Variants in SHLD1 observed in about 807,000 individuals in gnomAD.
The protein encoded by SHLD1 is shieldin complex subunit 1, also known as RINN1-REV7-interacting novel NHEJ regulator 3.
In SHLD1, 3 loss-of-function variants were observed where a neutral mutation model predicts 5.5. The observed-to-expected ratio is 0.54, with a 90% CI of 0.25 to 1.40. The LOEUF (loss-of-function observed/expected upper bound fraction) is 1.40, where lower values mean the gene tolerates loss of function less well. SHLD1 is among the 40% of genes most tolerant of loss of function. The pLI is 0.15. For synonymous variants in SHLD1, 92 were observed against 94.3 expected (o/e 0.98, Z 0.14); for missense variants, 210 against 244.4 (o/e 0.86, Z 0.94).
chr20:5,841,104 C>T (rs1250975026), intron 2 of SHLD1, among the ~76,000 whole-genome samples: 3 of 151,684 alleles, frequency 2.0e-5, no homozygotes, highest in African/African-American at 4.9e-5. Flanking sequence ...CCAATTAGAA[C>T]CATCTAGGAA....
At chr20:5,838,745 T>C (rs1395253078) in intron 2 of SHLD1, among the ~76,000 whole-genome samples, 1 of 152,048 alleles carries the variant, frequency 6.6e-6, no homozygotes, top group Non-Finnish European at 1.5e-5. Context: ...GCCACTGCAC[T>C]CCAGCCTGGG....
chr20:5,767,122 A>ATTTTCTTTTC (rs60269759), intron 1 of SHLD1, among the ~76,000 whole-genome samples: 2,961 of 149,314 alleles, frequency 0.02, 33 homozygotes, highest in South Asian at 0.037. Context: ...CTCCATTCAC[A>ATTTTCTTTTC]TTTTCTTTTC....
rs182735168 is a variant in SHLD1, at chr20:5,806,506, A to G, written c.178+33463A>G. On this transcript the variant is annotated intron_variant, in intron 2 of 2. Coordinates refer to ENST00000303142, the MANE Select transcript of SHLD1 (RefSeq NM_152504.4). The surrounding 1 kb of genome is among the most constrained non-coding windows in gnomAD (Gnocchi z 7.6). ...GTGTTCATTTCCTCTCCTACCAGTC[A>G]GGCATGCAGTTTTGATAAACTACCT... is the stretch of plus-strand genomic sequence containing the variant. 1.3e-5 allele frequency among the ~76,000 whole-genome samples: 2 copies of G among 152,358 alleles called. No individual in the cohort carries two copies. The highest frequency in any genetic ancestry group is 4.8e-5 in the African/African-American group (2 of 41,582).
At chr20:5,766,966 T>G (rs373626309) in intron 1 of SHLD1, among the ~76,000 whole-genome samples, 1 of 152,136 alleles carries the variant, frequency 6.6e-6, no homozygotes, top group Non-Finnish European at 1.5e-5. Context: ...GACTGTCGTT[T>G]TAACAGCTGC....
chr20:5,825,722 C>A (rs561116311), intron 2 of SHLD1, among the ~76,000 whole-genome samples: 5 of 152,274 alleles, frequency 3.3e-5, no homozygotes, highest in Non-Finnish European at 7.3e-5. Flanking sequence ...GCCTGGGTGA[C>A]AGAGCAGAAC....
intron 2 of SHLD1, among the ~76,000 whole-genome samples, chr20:5,807,030 C>T (rs1020524114): frequency 4.6e-5 from 7 of 152,220 alleles, no homozygotes; most frequent in East Asian, 1.9e-4. Context: ...GTGAGCCAGG[C>T]CCATGCCCAC....
chr20:5,777,388 C>G (rs916870639), intron 2 of SHLD1, among the ~76,000 whole-genome samples: 2 of 152,090 alleles, frequency 1.3e-5, no homozygotes, highest in African/African-American at 4.8e-5. Flanking sequence ...AGGAAACTTT[C>G]CCAGTGTCAC....
intron 2 of SHLD1, among the ~76,000 whole-genome samples, chr20:5,797,415 AG>A (rs1404841245): frequency 2.0e-5 from 3 of 152,096 alleles, no homozygotes; most frequent in Non-Finnish European, 4.4e-5. Context: ...AAACAAAATA[AG>A]CTGGGCATGG....
chr20:5,771,159 T>A (rs562254495), intron 1 of SHLD1, among the ~76,000 whole-genome samples: 1 of 152,232 alleles, frequency 6.6e-6, no homozygotes, highest in Non-Finnish European at 1.5e-5. Flanking sequence ...GTACCAGAGT[T>A]AATCTGGTAC....
rs920988023 is a variant in SHLD1, at chr20:5,863,655, G to T, written c.*192G>T. The T allele has an allele frequency of 2.5e-5, 14 of 563,778 alleles. No individual in the cohort carries two copies. The highest frequency in any genetic ancestry group is 1.9e-4 in the African/African-American group (10 of 52,644). The allele number at this position is 563,778 out of a possible 1,614,324, so 34.9% of individuals were successfully genotyped here. On this transcript the variant is annotated 3_prime_UTR_variant, in exon 3 of 3. Coordinates refer to ENST00000303142, the MANE Select transcript of SHLD1 (RefSeq NM_152504.4). ...TCAGCCCATATGGAGAGCCAGCAGG[G>T]TCTGGGAGTTCTCCGTCCTCTTGGC... is the stretch of plus-strand genomic sequence containing the variant.
At chr20:5,794,653 G>A (rs887526960) in intron 2 of SHLD1, among the ~76,000 whole-genome samples, 5 of 152,116 alleles carry the variant, frequency 3.3e-5, no homozygotes, top group African/African-American at 9.7e-5. Flanking sequence ...GCTTTGATTT[G>A]TATTTGAAAG....
intron 2 of SHLD1, among the ~76,000 whole-genome samples, chr20:5,812,763 C>T (rs1274220416): frequency 2.0e-5 from 3 of 152,240 alleles, no homozygotes; most frequent in East Asian, 1.9e-4. Context: ...CAGTCATTAG[C>T]GAAATGCTTA....
chr20:5,799,150 T>A (rs1416678609), intron 2 of SHLD1, among the ~76,000 whole-genome samples: 1 of 151,224 alleles, frequency 6.6e-6, no homozygotes, highest in African/African-American at 2.4e-5. Flanking sequence ...TTGCAGTGAG[T>A]CGTGATTGCA....
At chr20:5,759,123 T>G (rs1984312087) in intron 1 of SHLD1, among the ~76,000 whole-genome samples, 1 of 151,232 alleles carries the variant, frequency 6.6e-6, no homozygotes, top group Non-Finnish European at 1.5e-5. Context: ...CCCAGCTAAT[T>G]TTTTGTATTT....
At chr20:5,854,886 A>ATTTTT in intron 2 of SHLD1, among the ~76,000 whole-genome samples, 3 of 66,838 alleles carry the variant, frequency 4.5e-5, no homozygotes, top group African/African-American at 4.2e-4. Context: ...TTTTTTTTTA[A>ATTTTT]GAGACAGGTC....
At chr20:5,826,305 A>G (rs1051616493) in intron 2 of SHLD1, among the ~76,000 whole-genome samples, 1 of 152,138 alleles carries the variant, frequency 6.6e-6, no homozygotes, top group Admixed American at 6.5e-5. Context: ...TGAAATAGCT[A>G]TTTATATGAT....
intron 2 of SHLD1, among the ~76,000 whole-genome samples, chr20:5,852,710 A>G (rs2088027735): frequency 6.6e-6 from 1 of 152,192 alleles, no homozygotes; most frequent in Non-Finnish European, 1.5e-5. Context: ...TCAGCCTCCC[A>G]AAGTGCTGGG....
At position 5,856,611 on chromosome 20, in the gene SHLD1, G is replaced by A. The variant is rs149352010; in HGVS notation, c.179-6413G>A. Among the ~76,000 whole-genome samples the A allele has an allele frequency of 7.9e-5, 12 of 152,300 alleles. No homozygotes were observed. The East Asian group carries it at 2.1e-3, about 27-fold the overall frequency. On this transcript the variant is annotated intron_variant, in intron 2 of 2. Coordinates refer to ENST00000303142, the MANE Select transcript of SHLD1 (RefSeq NM_152504.4). ...AGGCACCTTATCCAGGGCATGGTGA[G>A]GCTTCTGAAGTCTGACTTCTGTCAT...
chr20:5,786,286 A>C (rs2087058047), intron 2 of SHLD1, among the ~76,000 whole-genome samples: 1 of 152,188 alleles, frequency 6.6e-6, no homozygotes, highest in African/African-American at 2.4e-5. Flanking sequence ...GGCCATAAAG[A>C]AATTATCTGG....
Sources: gnomAD v4.1 joint callset for allele counts (sites outside exome capture counted in the v4.1 genomes callset) on GRCh38, gnomAD v4.1.1 for gene constraint, Gnocchi (gnomAD v3.1) non-coding constraint, MANE v1.5 for transcripts, NCBI Gene and HGNC (gene_info 2026-07-23, HGNC 2026-07-21) for gene names.